The following PDSS2 variants were observed in gnomAD, a reference collection of about 807,000 sequenced individuals.
PDSS2 encodes all trans-polyprenyl-diphosphate synthase PDSS2.
A neutral mutation model predicts 44.5 loss-of-function variants in PDSS2; 31 were observed. The ratio of observed to expected loss-of-function variants is 0.70; its 90% CI spans 0.52 to 0.94. PDSS2 has a LOEUF of 0.94. Among genes scored for constraint, PDSS2 ranks in the 40% least tolerant of loss-of-function variants. PDSS2 has a pLI of 0.00. For missense variants in PDSS2, 452 were observed against 482.2 expected, an observed-to-expected ratio of 0.94 and a Z score of 0.59; for synonymous variants, 157 against 180.3, an observed-to-expected ratio of 0.87 and a Z score of 1.03.
chr6:107,357,231 G>C (rs564454290), intron 1 of PDSS2, among the ~76,000 whole-genome samples: 4 of 152,192 alleles, frequency 2.6e-5, no homozygotes, highest in Admixed American at 2.0e-4. Flanking sequence ...TAAAGGAACA[G>C]GTGTCTTGGG....
At chr6:107,441,856 C>T (rs1017722468) in intron 1 of PDSS2, among the ~76,000 whole-genome samples, 1 of 152,168 alleles carries the variant, frequency 6.6e-6, no homozygotes, top group African/African-American at 2.4e-5. Flanking sequence ...GTGGCCAACA[C>T]TCAAGCAGGC....
At chr6:107,402,774 G>A (rs1326653702) in intron 1 of PDSS2, among the ~76,000 whole-genome samples, 1 of 151,508 alleles carries the variant, frequency 6.6e-6, no homozygotes, top group East Asian at 2.0e-4. Context: ...CTATAAACTA[G>A]AACTAGAACT....
intron 4 of PDSS2, among the ~76,000 whole-genome samples, chr6:107,224,726 C>T (rs1482183678): frequency 6.6e-6 from 1 of 151,310 alleles, no homozygotes; most frequent in African/African-American, 2.5e-5. Context: ...AATGGTTACA[C>T]TATACGAAAT....
At chr6:107,335,587 CTT>C (rs1313419713) in intron 1 of PDSS2, among the ~76,000 whole-genome samples, 1 of 152,174 alleles carries the variant, frequency 6.6e-6, no homozygotes, top group Non-Finnish European at 1.5e-5. Context: ...TGTGGCATAT[CTT>C]TTGACATGAG....
intron 7 of PDSS2, among the ~76,000 whole-genome samples, chr6:107,189,497 C>A (rs1308447622): frequency 6.6e-6 from 1 of 152,008 alleles, no homozygotes; most frequent in Non-Finnish European, 1.5e-5. Context: ...GCTACCACAC[C>A]CGGCTAATTT....
chr6:107,155,142 CTTTTTTTT>C (rs67631229), intron 7 of PDSS2, among the ~76,000 whole-genome samples: 2 of 140,548 alleles, frequency 1.4e-5, no homozygotes, highest in African/African-American at 5.2e-5. Context: ...ATATTCTTCC[CTTTTTTTT>C]TTTTTTTTTT....
At chr6:107,248,475 A>G (rs1488102440) in intron 3 of PDSS2, among the ~76,000 whole-genome samples, 1 of 151,312 alleles carries the variant, frequency 6.6e-6, no homozygotes, top group African/African-American at 2.4e-5. Context: ...AAGAGCCTCA[A>G]TGTGAGTTAC....
At chr6:107,290,020 C>T (rs572101330) in intron 2 of PDSS2, among the ~76,000 whole-genome samples, 1 of 152,288 alleles carries the variant, frequency 6.6e-6, no homozygotes, top group Non-Finnish European at 1.5e-5. Context: ...AAACTCCTGG[C>T]CTTAAGCCTC....
chr6:107,158,856 G>A (rs1170184161), intron 7 of PDSS2, among the ~76,000 whole-genome samples: 2 of 151,916 alleles, frequency 1.3e-5, no homozygotes, highest in African/African-American at 2.4e-5. Flanking sequence ...AGCCTCCCAA[G>A]TAGCTGGGAT....
At chr6:107,269,580 T>G (rs1775528612) in intron 3 of PDSS2, among the ~76,000 whole-genome samples, 1 of 152,208 alleles carries the variant, frequency 6.6e-6, no homozygotes, top group Non-Finnish European at 1.5e-5. Flanking sequence ...AAAAGTCTCA[T>G]GTAGTGTTCT....
intron 4 of PDSS2, among the ~76,000 whole-genome samples, chr6:107,225,133 A>G (rs1304115660): frequency 3.6e-5 from 2 of 55,932 alleles, no homozygotes; most frequent in Non-Finnish European, 5.7e-5. Context: ...CTATATATAT[A>G]TTTTTATATA....
At chr6:107,282,681 G>A (rs909749120) in intron 2 of PDSS2, among the ~76,000 whole-genome samples, 5 of 151,494 alleles carry the variant, frequency 3.3e-5, no homozygotes, top group African/African-American at 9.7e-5. Flanking sequence ...CTGGCTAACA[G>A]GGTGAAACCC....
intron 4 of PDSS2, among the ~76,000 whole-genome samples, chr6:107,212,659 G>A (rs909463408): frequency 6.6e-6 from 1 of 152,130 alleles, no homozygotes; most frequent in Admixed American, 6.5e-5. Context: ...TTTAATTTAT[G>A]TGAAAATGTC....
At chr6:107,448,425 G>C (rs990372461) in intron 1 of PDSS2, among the ~76,000 whole-genome samples, 1 of 151,998 alleles carries the variant, frequency 6.6e-6, no homozygotes, top group African/African-American at 2.4e-5. Flanking sequence ...CAGTTCTCTA[G>C]GGCAAGGGCA....
intron 2 of PDSS2, among the ~76,000 whole-genome samples, chr6:107,314,306 G>A (rs1380853766): frequency 2.6e-5 from 4 of 151,990 alleles, no homozygotes; most frequent in African/African-American, 9.7e-5. Context: ...AATACTCTAT[G>A]ACAAGAAGCT....
intron 3 of PDSS2, among the ~76,000 whole-genome samples, chr6:107,258,373 T>C (rs1439488159): frequency 7.1e-6 from 1 of 141,332 alleles, no homozygotes; most frequent in Non-Finnish European, 1.6e-5. Context: ...GACTCTTTCC[T>C]ACAACATCTA....
In PDSS2 at chr6:107,294,413, TA is replaced by T. The variant is rs549715318; in HGVS notation, c.432-20187del. On this transcript the variant is annotated intron_variant, in intron 2 of 7. Coordinates refer to ENST00000369037, the MANE Select transcript of PDSS2 (RefSeq NM_020381.4). ...AATTCCTCAGAATTTTTTTTTTAAT[TA>T]AAAAAAATTTTTTTTAGAGACAGGG... Among the ~76,000 whole-genome samples the T allele has an allele frequency of 1.7e-4, 26 of 152,158 alleles. No homozygotes were observed. In the South Asian group the frequency reaches 5.0e-3, roughly 29 times the overall value.
At chr6:107,225,151 A>ATT (rs1773756751) in intron 4 of PDSS2, among the ~76,000 whole-genome samples, 2 of 51,446 alleles carry the variant, frequency 3.9e-5, no homozygotes, top group African/African-American at 2.9e-4. Flanking sequence ...ATATATATAT[A>ATT]TATATATATA....
chr6:107,209,371 G>A (rs1773117797), intron 6 of PDSS2, among the ~76,000 whole-genome samples: 1 of 152,088 alleles, frequency 6.6e-6, no homozygotes, highest in Non-Finnish European at 1.5e-5. Context: ...CATGTTTACT[G>A]AGGAGGCCCC....
Sources: allele counts gnomAD v4.1 joint callset (sites outside exome capture counted in the v4.1 genomes callset), GRCh38; gene constraint gnomAD v4.1.1; transcripts MANE v1.5; gene names NCBI Gene and HGNC (gene_info 2026-07-23, HGNC 2026-07-21).